BRINP1: variants seen among roughly 807,000 people sequenced by gnomAD.
The protein encoded by BRINP1 is BMP/retinoic acid inducible neural specific 1.
A neutral mutation model predicts 72.9 loss-of-function variants in BRINP1; 17 were observed. The ratio of observed to expected loss-of-function variants is 0.23; its 90% CI spans 0.16 to 0.35. The LOEUF is 0.35. Among genes scored for constraint, BRINP1 ranks in the 10% least tolerant of loss-of-function variants. BRINP1 has a pLI of 1.00. For synonymous variants in BRINP1, 418 were observed against 378.5 expected (o/e 1.10, Z -1.21); for missense variants, 850 against 1,001.6 (o/e 0.85, Z 2.04).
chr9:119,343,506 C>G (rs1831423635), intron 1 of BRINP1, among the ~76,000 whole-genome samples: 1 of 152,184 alleles, frequency 6.6e-6, no homozygotes, highest in Admixed American at 6.5e-5. Flanking sequence ...GTTTGCTCCT[C>G]CTGCACGGCA....
intron 2 of BRINP1, among the ~76,000 whole-genome samples, chr9:119,299,637 T>C (rs1228687002): frequency 6.7e-6 from 1 of 149,808 alleles, no homozygotes; most frequent in Non-Finnish European, 1.5e-5. Context: ...AAAAAGTGAG[T>C]ACATGTGGTT....
chr9:119,244,502 G>A (rs1428484381), intron 3 of BRINP1, among the ~76,000 whole-genome samples: 1 of 152,172 alleles, frequency 6.6e-6, no homozygotes, highest in Non-Finnish European at 1.5e-5. Context: ...GTGGATGGGT[G>A]TATAGATGAA....
At chr9:119,191,760 A>T (rs1394827688) in intron 7 of BRINP1, among the ~76,000 whole-genome samples, 1 of 151,904 alleles carries the variant, frequency 6.6e-6, no homozygotes, top group Non-Finnish European at 1.5e-5. Flanking sequence ...AGAAAAAGTA[A>T]TCTCAAGAAA....
At chr9:119,238,606 T>A (rs1363878418) in intron 5 of BRINP1, 49 bp downstream of exon 5, 1 of 1,129,736 alleles carries the variant, frequency 8.9e-7, no homozygotes, top group South Asian at 1.3e-5. Flanking sequence ...ACATATCACA[T>A]CCATGATGTT....
chr9:119,222,485 T>C (rs908202943), intron 5 of BRINP1, among the ~76,000 whole-genome samples: 2 of 152,100 alleles, frequency 1.3e-5, no homozygotes, highest in African/African-American at 4.8e-5. Context: ...TTCTACTAGA[T>C]GACCATCAAG....
At chr9:119,283,090 G>T in intron 2 of BRINP1, 1 of 985,258 alleles carries the variant, frequency 1.0e-6, no homozygotes, top group Non-Finnish European at 1.2e-6. Context: ...GACCAGACTA[G>T]CAGTTCACAG....
At chr9:119,207,034 T>G (rs1426252389) in intron 7 of BRINP1, among the ~76,000 whole-genome samples, 2 of 152,018 alleles carry the variant, frequency 1.3e-5, no homozygotes, top group Non-Finnish European at 2.9e-5. Context: ...AAAACAGAGA[T>G]GAGTTTGAAT....
At chr9:119,270,824 A>G (rs541681023) in intron 2 of BRINP1, among the ~76,000 whole-genome samples, 2 of 152,312 alleles carry the variant, frequency 1.3e-5, no homozygotes, top group South Asian at 2.1e-4. Context: ...ACTTTCCAAA[A>G]AGATTTATTC....
At chr9:119,172,982 CA>C (rs1235232452) in intron 7 of BRINP1, among the ~76,000 whole-genome samples, 5 of 149,946 alleles carry the variant, frequency 3.3e-5, no homozygotes, top group Non-Finnish European at 1.5e-5. Flanking sequence ...GGACGTATTT[CA>C]AAATAATAAG....
At chr9:119,223,143 G>A (rs192424308) in intron 5 of BRINP1, among the ~76,000 whole-genome samples, 1 of 152,016 alleles carries the variant, frequency 6.6e-6, no homozygotes. Flanking sequence ...AAGCTAAGAG[G>A]CTTAACTTCT....
intron 2 of BRINP1, among the ~76,000 whole-genome samples, chr9:119,255,196 C>A (rs1303219814): frequency 1.3e-5 from 2 of 152,228 alleles, no homozygotes; most frequent in Non-Finnish European, 2.9e-5. Context: ...GAATTGAGCA[C>A]AACATAAAAT....
intron 5 of BRINP1, among the ~76,000 whole-genome samples, chr9:119,229,089 G>C (rs1830122769): frequency 6.6e-6 from 1 of 152,086 alleles, no homozygotes. Context: ...GACTAACACA[G>C]TGGTTGTTCT....
At chr9:119,294,563 A>C (rs995011014) in intron 2 of BRINP1, among the ~76,000 whole-genome samples, 1 of 151,748 alleles carries the variant, frequency 6.6e-6, no homozygotes, top group East Asian at 1.9e-4. Flanking sequence ...TTGATGAAGG[A>C]AATTTAAAAA....
At chr9:119,253,082 A>G (rs890479752) in intron 2 of BRINP1, among the ~76,000 whole-genome samples, 1 of 152,164 alleles carries the variant, frequency 6.6e-6, no homozygotes, top group South Asian at 2.1e-4. Flanking sequence ...ATGTTACCCT[A>G]AAGAACTAAC....
chr9:119,207,655 A>C (rs1443397435), intron 7 of BRINP1, among the ~76,000 whole-genome samples: 2 of 152,214 alleles, frequency 1.3e-5, no homozygotes, highest in East Asian at 3.9e-4. Context: ...TTTACACTGT[A>C]GCTTTGGACA....
rs188438781 is a variant in BRINP1 at position 119,207,044 on chromosome 9, T to G, written c.1145+1675A>C. 2.6e-5 allele frequency among the ~76,000 whole-genome samples: 4 copies of G among 152,276 alleles called. No individual in the cohort carries two copies. In the East Asian group the frequency reaches 7.7e-4, roughly 29 times the overall value. Reference sequence around the variant, plus strand: ...TAGGGAAAACAGAGATGAGTTTGAATGTCTGTACAAGGAGGAGGTTTCATA... The same window carrying G: ...TAGGGAAAACAGAGATGAGTTTGAAGGTCTGTACAAGGAGGAGGTTTCATA... On this transcript the variant is annotated intron_variant, in intron 7 of 7. Transcript: ENST00000265922.
chr9:119,218,504 C>T (rs182117273), intron 5 of BRINP1, among the ~76,000 whole-genome samples: 8 of 152,056 alleles, frequency 5.3e-5, no homozygotes, highest in African/African-American at 1.7e-4. Flanking sequence ...TGACTTTGAA[C>T]TTTAAACGCT....
rs551313072 is a variant in BRINP1, at chr9:119,169,753, A to G, written c.1146-1529T>C. Among the ~76,000 whole-genome samples the G allele has an allele frequency of 1.8e-4, 26 of 142,922 alleles. 1 individual carries two copies. In the South Asian group the frequency reaches 5.4e-3, roughly 29 times the overall value. 93.8% of individuals were successfully genotyped at this position (142,922 alleles called of 152,430 possible). On this transcript the variant is annotated intron_variant, in intron 7 of 7. Transcript: ENST00000265922. Reference sequence around the variant, plus strand: ...CCTGTCTGACAGCTTTGAAGAGAGCAGTGGTTCTCCCAGCATGCAGCTGGA... The same window carrying G: ...CCTGTCTGACAGCTTTGAAGAGAGCGGTGGTTCTCCCAGCATGCAGCTGGA...
chr9:119,169,176 C>A (rs1415990808), intron 7 of BRINP1, among the ~76,000 whole-genome samples: 1 of 152,194 alleles, frequency 6.6e-6, no homozygotes, highest in Non-Finnish European at 1.5e-5. Context: ...CCAGCGTGAG[C>A]GACGCAGAAG....
Sources: gnomAD v4.1 joint callset for allele counts (sites outside exome capture counted in the v4.1 genomes callset) on GRCh38, gnomAD v4.1.1 for gene constraint, MANE v1.5 for transcripts, NCBI Gene and HGNC (gene_info 2026-07-23, HGNC 2026-07-21) for gene names.